REEP1: variants seen among roughly 807,000 people sequenced by gnomAD.
REEP1 encodes receptor expression-enhancing protein 1.
Under a neutral mutation model 40.3 loss-of-function variants are expected in REEP1, and 22 were observed. The observed-to-expected ratio is 0.55, with a 90% confidence interval of 0.39 to 0.78. The LOEUF (loss-of-function observed/expected upper bound fraction) is 0.78. Ranked by LOEUF, REEP1 falls within the 30% of genes least tolerant of loss-of-function variation. REEP1 has a pLI of 0.00. For synonymous variants in REEP1, 116 were observed against 139.2 expected, an observed-to-expected ratio of 0.83 and a Z score of 1.17; for missense variants, 280 against 361.1, an observed-to-expected ratio of 0.78 and a Z score of 1.82.
chr2:86,242,821 G>T (rs991936123), intron 5 of REEP1, among the ~76,000 whole-genome samples: 1 of 152,088 alleles, frequency 6.6e-6, no homozygotes, highest in Non-Finnish European at 1.5e-5. Context: ...TAGAAGGAAG[G>T]GTGTGGAGGA....
In REEP1 at chr2:86,317,970, A is replaced by G. The variant is rs1418734268; in HGVS notation, c.32+19509T>C. Among the ~76,000 whole-genome samples, 66 of 152,200 alleles carry G rather than the reference A, an allele frequency of 4.3e-4. 1 individual carries two copies. The highest frequency in any genetic ancestry group is 2.9e-5 in the Non-Finnish European group (2 of 68,034). On this transcript the variant is annotated intron_variant, in intron 1 of 8. Transcript: ENST00000538924. ...CTTTTCTAGAAAAATGATTGATCTC[A>G]TCAGAAAAAACAAATAGTATTTGTT...
At chr2:86,239,205 G>C (rs1028228173) in intron 5 of REEP1, among the ~76,000 whole-genome samples, 3 of 48,270 alleles carry the variant, frequency 6.2e-5, no homozygotes, top group Non-Finnish European at 1.1e-4. Flanking sequence ...ATGCCATCTA[G>C]ACCAAAAAAA....
chr2:86,282,739 C>T (rs779556161), intron 1 of REEP1, among the ~76,000 whole-genome samples: 5 of 152,184 alleles, frequency 3.3e-5, no homozygotes, highest in Non-Finnish European at 7.3e-5. Context: ...AGCCCTCCTC[C>T]CACCAATACA....
intron 1 of REEP1, among the ~76,000 whole-genome samples, chr2:86,331,690 A>G (rs1420422685): frequency 1.3e-5 from 2 of 152,082 alleles, no homozygotes; most frequent in Non-Finnish European, 2.9e-5. Flanking sequence ...GGGGAGAGGG[A>G]GAGATAGGAT....
In REEP1 at chr2:86,215,563, T is replaced by C. The variant is rs1286589692; in HGVS notation, c.*1476A>G. ...AATCCAAATATTATGAGTAACTGGG[T>C]TGTGACCACTGCATGCATTACACTG... is the stretch of plus-strand genomic sequence containing the variant. On this transcript the variant is annotated 3_prime_UTR_variant, in exon 9 of 9. Transcript: ENST00000538924. The C allele has an allele frequency of 6.6e-6, 1 of 152,616 alleles. No individual in the cohort carries two copies. The highest frequency in any genetic ancestry group is 1.5e-5 in the Non-Finnish European group (1 of 68,032). The allele number at this position is 152,616 out of a possible 1,614,324, so 9.5% of individuals were successfully genotyped here. A position where few individuals can be genotyped will look rare whatever the true frequency, so the allele number is the denominator to read the frequency against.
At chr2:86,246,626 C>T (rs757459630) in intron 5 of REEP1, among the ~76,000 whole-genome samples, 4 of 151,934 alleles carry the variant, frequency 2.6e-5, no homozygotes, top group Non-Finnish European at 4.4e-5. Context: ...GCCTGGAGAC[C>T]CCATGGTTTT....
At chr2:86,226,275 C>G (rs57367442) in intron 7 of REEP1, among the ~76,000 whole-genome samples, 134 of 152,048 alleles carry the variant, frequency 8.8e-4, no homozygotes, top group Non-Finnish European at 1.5e-3. Context: ...AAGCTCACAG[C>G]GGTTAGGTGA....
chr2:86,279,272 G>A (rs868658808), intron 2 of REEP1, among the ~76,000 whole-genome samples: 3 of 152,220 alleles, frequency 2.0e-5, no homozygotes, highest in African/African-American at 4.8e-5. Context: ...GTAGAGAAGC[G>A]ACTGGGAAGT....
intron 1 of REEP1, among the ~76,000 whole-genome samples, chr2:86,301,357 A>T (rs775286426): frequency 2.0e-5 from 3 of 152,228 alleles, no homozygotes; most frequent in Non-Finnish European, 4.4e-5. Flanking sequence ...AACTCCCTGC[A>T]TACCGGGCAG....
intron 5 of REEP1, among the ~76,000 whole-genome samples, chr2:86,233,881 G>A (rs773645068): frequency 5.9e-5 from 9 of 152,058 alleles, no homozygotes; most frequent in Non-Finnish European, 1.3e-4. Flanking sequence ...GAAGGAAAGA[G>A]TGGTCCCAGA....
intron 1 of REEP1, among the ~76,000 whole-genome samples, chr2:86,284,081 A>C (rs1014498615): frequency 6.6e-6 from 1 of 151,874 alleles, no homozygotes; most frequent in Non-Finnish European, 1.5e-5. Flanking sequence ...GCCAAGGGGG[A>C]GGTGGCTGGG....
At chr2:86,242,499 G>A (rs1043288243) in intron 5 of REEP1, among the ~76,000 whole-genome samples, 4 of 65,872 alleles carry the variant, frequency 6.1e-5, no homozygotes, top group Non-Finnish European at 9.6e-5. Flanking sequence ...TGGAGGAGAC[G>A]GCATTAACCT....
At chr2:86,225,364 C>T (rs1434078650) in intron 7 of REEP1, among the ~76,000 whole-genome samples, 3 of 152,202 alleles carry the variant, frequency 2.0e-5, no homozygotes, top group African/African-American at 7.2e-5. Flanking sequence ...CTCTGCCTCC[C>T]GGATTCAAGC....
intron 1 of REEP1, among the ~76,000 whole-genome samples, chr2:86,318,705 A>G (rs1351557016): frequency 6.6e-6 from 1 of 151,996 alleles, no homozygotes; most frequent in African/African-American, 2.4e-5. Flanking sequence ...GCCGAGACCA[A>G]CAAGTTTGAG....
chr2:86,337,947 G>A (rs1681131190), upstream of REEP1: 1 of 1,356,764 alleles, frequency 7.4e-7, no homozygotes, highest in Admixed American at 2.0e-5. The surrounding 1 kb of genome is among the most constrained non-coding windows in gnomAD (Gnocchi z 5.8). Flanking sequence ...TGAACCTCGG[G>A]AATCTGTCTG....
In REEP1 at chr2:86,329,704, G is replaced by A. The variant is rs138148017; in HGVS notation, c.32+7775C>T. Among the ~76,000 whole-genome samples the A allele has an allele frequency of 8.4e-3, 1,283 of 152,242 alleles. 32 individuals are homozygous for A. Among genetic ancestry groups the A allele is most frequent in the African/African-American group, 0.029 (1,188 of 41,526 alleles). ...GCAGATTCACCAGGCCTGGGACTCT[G>A]CATTCCTAACTATTCCAGTAATGCC... is the stretch of plus-strand genomic sequence containing the variant. On this transcript the variant is annotated intron_variant, in intron 1 of 8. Coordinates refer to ENST00000538924, the MANE Select transcript of REEP1 (RefSeq NM_001371279.1).
At chr2:86,220,955 T>A (rs533904477) in intron 7 of REEP1, among the ~76,000 whole-genome samples, 3 of 152,250 alleles carry the variant, frequency 2.0e-5, no homozygotes, top group Non-Finnish European at 4.4e-5. Context: ...AAATATCTTC[T>A]GCCCCTACCC....
In REEP1 at chr2:86,332,263, C is replaced by G. The variant is rs1487922625; in HGVS notation, c.32+5216G>C. ...CATCCTTAGTGCCCAAGTGCACCCCCCTCTCCTTACTTCTTTTCGGGGGTT... is the reference window on the plus strand; with the variant it reads ...CATCCTTAGTGCCCAAGTGCACCCCGCTCTCCTTACTTCTTTTCGGGGGTT... On this transcript the variant is annotated intron_variant, in intron 1 of 8. Transcript: ENST00000538924. Among the ~76,000 whole-genome samples the G allele has an allele frequency of 2.6e-5, 4 of 152,064 alleles. No homozygotes were observed. The South Asian group carries it at 8.3e-4, about 32-fold the overall frequency.
intron 6 of REEP1, among the ~76,000 whole-genome samples, chr2:86,231,512 G>A (rs1320229760): frequency 2.0e-5 from 3 of 152,220 alleles, no homozygotes; most frequent in Non-Finnish European, 2.9e-5. Context: ...AGACCCCCGG[G>A]CATCAGATGG....
Sources: allele counts gnomAD v4.1 joint callset (sites outside exome capture counted in the v4.1 genomes callset), GRCh38; gene constraint gnomAD v4.1.1; non-coding constraint Gnocchi (gnomAD v3.1); transcripts MANE v1.5; gene names NCBI Gene and HGNC (gene_info 2026-07-23, HGNC 2026-07-21).